Variants in SHISA9 observed in about 807,000 individuals in gnomAD.
The protein encoded by SHISA9 is protein shisa-9.
SHISA9 carries 13 observed loss-of-function variants against 38.0 expected under a neutral mutation model. The ratio of observed to expected loss-of-function variants is 0.34; its 90% CI spans 0.22 to 0.54. The LOEUF is 0.54. SHISA9 is among the 20% of genes least tolerant of loss of function. SHISA9 has a pLI of 0.91. For missense variants in SHISA9, 538 were observed against 575.8 expected (o/e 0.93, Z 0.67); for synonymous variants, 275 against 242.0 (o/e 1.14, Z -1.27).
chr16:13,191,637 G>T (rs760933049), intron 2 of SHISA9, among the ~76,000 whole-genome samples: 1 of 152,170 alleles, frequency 6.6e-6, no homozygotes, highest in Non-Finnish European at 1.5e-5. Flanking sequence ...GTAAGTGGAA[G>T]AGCAAAAATT....
At chr16:13,459,889 T>C in the SHISA9 span, among the ~76,000 whole-genome samples, 1 of 152,272 alleles carries the variant, frequency 6.6e-6, no homozygotes, top group East Asian at 1.9e-4. Flanking sequence ...ATTTTTATAG[T>C]CAGCATCAAG....
chr16:13,420,858 G>A, the SHISA9 span, among the ~76,000 whole-genome samples: 3 of 152,130 alleles, frequency 2.0e-5, no homozygotes, highest in Admixed American at 2.0e-4. Flanking sequence ...TTCTGCAGAT[G>A]ACAAACACTA....
At chr16:13,537,179 G>C in the SHISA9 span, among the ~76,000 whole-genome samples, 1 of 152,116 alleles carries the variant, frequency 6.6e-6, no homozygotes, top group Admixed American at 6.5e-5. Flanking sequence ...TGTAATCCTA[G>C]CACTTTGGGA....
chr16:12,972,041 TTGTGTGTGTGTGTGTGTG>T (rs72368949), intron 2 of SHISA9, among the ~76,000 whole-genome samples: 13 of 141,946 alleles, frequency 9.2e-5, no homozygotes, highest in Non-Finnish European at 1.2e-4. Flanking sequence ...CTCTTGGAGT[TTGTGTGTGTGTGTGTGTG>T]TGTGTGTGTG....
chr16:13,543,844 C>G, the SHISA9 span, among the ~76,000 whole-genome samples: 3 of 152,210 alleles, frequency 2.0e-5, no homozygotes, highest in Admixed American at 1.3e-4. Flanking sequence ...TGCTCCCTGA[C>G]AGTCACCTAG....
chr16:12,932,412 A>T (rs1354991975), intron 2 of SHISA9, among the ~76,000 whole-genome samples: 1 of 151,806 alleles, frequency 6.6e-6, no homozygotes, highest in Non-Finnish European at 1.5e-5. Flanking sequence ...TGCGATCTGG[A>T]CTCACTGCAA....
At chr16:13,369,013 G>A in the SHISA9 span, among the ~76,000 whole-genome samples, 4 of 152,088 alleles carry the variant, frequency 2.6e-5, no homozygotes, top group Admixed American at 6.6e-5. Context: ...GAAAGAAAAG[G>A]TACTAGAATG....
chr16:13,211,771 G>C (rs558506248), intron 3 of SHISA9, among the ~76,000 whole-genome samples: 2 of 152,204 alleles, frequency 1.3e-5, no homozygotes, highest in Non-Finnish European at 2.9e-5. Context: ...CAAAATAATG[G>C]TTCCTGCCTT....
chr16:13,438,835 G>A, the SHISA9 span, among the ~76,000 whole-genome samples: 2 of 152,242 alleles, frequency 1.3e-5, no homozygotes, highest in East Asian at 1.9e-4. Context: ...AAGACTAAAC[G>A]GCAACTTAAT....
chr16:13,554,554 C>A, the SHISA9 span, among the ~76,000 whole-genome samples: 2 of 137,842 alleles, frequency 1.5e-5, no homozygotes, highest in Non-Finnish European at 3.0e-5. Flanking sequence ...TACAGTAGTT[C>A]AATCTTGTCT....
At chr16:13,384,219 G>C in the SHISA9 span, among the ~76,000 whole-genome samples, 5 of 152,278 alleles carry the variant, frequency 3.3e-5, no homozygotes, top group South Asian at 1.0e-3. Context: ...AACTACATGG[G>C]ATTAGAGGCC....
At chr16:12,983,881 T>C (rs1311126948) in intron 2 of SHISA9, among the ~76,000 whole-genome samples, 1 of 152,208 alleles carries the variant, frequency 6.6e-6, no homozygotes, top group Non-Finnish European at 1.5e-5. Flanking sequence ...CTCAGGCTAC[T>C]TTGAGGGGTT....
chr16:12,936,493 G>A (rs570574068), intron 2 of SHISA9, among the ~76,000 whole-genome samples: 1 of 152,328 alleles, frequency 6.6e-6, no homozygotes, highest in South Asian at 2.1e-4. Flanking sequence ...AAGAGAGAGA[G>A]TGTAACATAA....
intron 2 of SHISA9, among the ~76,000 whole-genome samples, chr16:13,012,849 G>A (rs185754060): frequency 3.9e-4 from 59 of 152,234 alleles, no homozygotes; most frequent in African/African-American, 1.3e-3. Flanking sequence ...AGTCAGCCAC[G>A]GCCAGACAGG....
chr16:13,072,707 C>G (rs1476056236), intron 2 of SHISA9, among the ~76,000 whole-genome samples: 1 of 151,652 alleles, frequency 6.6e-6, no homozygotes, highest in African/African-American at 2.4e-5. Flanking sequence ...GTCACCCAGG[C>G]TGGAGTGCAG....
the SHISA9 span, among the ~76,000 whole-genome samples, chr16:13,514,211 T>G: frequency 6.6e-6 from 1 of 152,040 alleles, no homozygotes; most frequent in Non-Finnish European, 1.5e-5. Flanking sequence ...GTCAGGCTGG[T>G]CTTGAACTCC....
chr16:13,084,176 C>A (rs2073685458), intron 2 of SHISA9, among the ~76,000 whole-genome samples: 1 of 152,106 alleles, frequency 6.6e-6, no homozygotes, highest in African/African-American at 2.4e-5. Flanking sequence ...ACCTGAGGGC[C>A]AGAAAAGACC....
chr16:13,501,399 G>C, the SHISA9 span, among the ~76,000 whole-genome samples: 3 of 152,144 alleles, frequency 2.0e-5, no homozygotes, highest in Admixed American at 6.5e-5. Context: ...AGCCATGAAA[G>C]GAGTATAAGA....
chr16:13,435,779 C>A, the SHISA9 span, among the ~76,000 whole-genome samples: 1 of 152,140 alleles, frequency 6.6e-6, no homozygotes, highest in African/African-American at 2.4e-5. Context: ...AATCTCAAAT[C>A]CTCTCCCTGA....
Sources: gnomAD v4.1 joint callset for allele counts (sites outside exome capture counted in the v4.1 genomes callset) on GRCh38, gnomAD v4.1.1 for gene constraint, MANE v1.5 for transcripts, NCBI Gene and HGNC (gene_info 2026-07-23, HGNC 2026-07-21) for gene names.